MAN1C1: variants seen among roughly 807,000 people sequenced by gnomAD.
MAN1C1 encodes mannosidase alpha class 1C member 1, also known as mannosyl-oligosaccharide 1,2-alpha-mannosidase IC.
A neutral mutation model predicts 71.5 loss-of-function variants in MAN1C1; 49 were observed. The observed-to-expected ratio is 0.69, with a 90% CI of 0.54 to 0.87. The LOEUF (loss-of-function observed/expected upper bound fraction) is 0.87. MAN1C1 is among the 40% of genes least tolerant of loss of function. The probability of loss-of-function intolerance (pLI) is 0.00; values close to 1 mark genes in which losing one functional copy is unlikely to be tolerated. For synonymous variants in MAN1C1, 352 were observed against 343.7 expected (o/e 1.02, Z -0.27); for missense variants, 743 against 835.0 (o/e 0.89, Z 1.36).
chr1:25,766,441 A>G (rs1387204399), intron 7 of MAN1C1, among the ~76,000 whole-genome samples: 1 of 152,040 alleles, frequency 6.6e-6, no homozygotes, highest in Non-Finnish European at 1.5e-5. Context: ...TCTCTTCTTG[A>G]ATCTTCAGAA....
At chr1:25,768,314 T>C (rs111162225) in intron 7 of MAN1C1, among the ~76,000 whole-genome samples, 45 of 37,792 alleles carry the variant, frequency 1.2e-3, no homozygotes, top group South Asian at 3.2e-3. Context: ...ACACACTCCC[T>C]TCACGTACAT....
In MAN1C1 at chr1:25,778,067, C is replaced by A; in HGVS notation, c.1258-38C>A. 1 of 1,456,670 alleles carries A rather than the reference C, an allele frequency of 6.9e-7. No individual in the cohort carries two copies. The allele number at this position is 1,456,670 out of a possible 1,614,324, so 90.2% of individuals were successfully genotyped here. A position where few individuals can be genotyped will look rare whatever the true frequency, so the allele number is the denominator to read the frequency against. Reference sequence around the variant, plus strand: ...TCCCCCCCTTCTCTGTGCCCTCCCACGCCCCTTCTCCCTGCCCAATCCCCA... The same window carrying A: ...TCCCCCCCTTCTCTGTGCCCTCCCAAGCCCCTTCTCCCTGCCCAATCCCCA... On this transcript the variant is annotated intron_variant, in intron 8 of 11. Transcript: ENST00000374332. This position sits in a 1 kb window ranked among gnomAD's most constrained non-coding sequence, Gnocchi z 5.5.
intron 1 of MAN1C1, among the ~76,000 whole-genome samples, chr1:25,674,900 G>A (rs1252593022): frequency 6.6e-6 from 1 of 152,110 alleles, no homozygotes; most frequent in African/African-American, 2.4e-5. Flanking sequence ...TAGGAAGCCA[G>A]GGAGGACCCA....
Position 25,644,497 on chromosome 1 carries a change from CATATATATAT to C in MAN1C1, c.540+26173_540+26182del, listed in dbSNP as rs1204408970. 40 of 80,146 alleles carry C rather than the reference CATATATATAT, an allele frequency of 5.0e-4. 2 individuals are homozygous for C. The highest frequency in any genetic ancestry group is 3.3e-3 in the African/African-American group (37 of 11,152). 5.0% of individuals were successfully genotyped at this position (80,146 alleles called of 1,614,324 possible). ...CTGATTGGGGTAATGGTACCAGAGA[CATATATATAT>C]ATATATATATATTTTTTTTTTTTTT... On this transcript the variant is annotated intron_variant, in intron 1 of 11. Coordinates refer to ENST00000374332, the MANE Select transcript of MAN1C1 (RefSeq NM_020379.4).
chr1:25,622,733 C>G (rs550663121), intron 1 of MAN1C1, among the ~76,000 whole-genome samples: 1 of 152,328 alleles, frequency 6.6e-6, no homozygotes, highest in South Asian at 2.1e-4. Context: ...CCAGCTCTTG[C>G]CCTCTGTGCC....
chr1:25,623,582 G>A (rs1038593596), intron 1 of MAN1C1, among the ~76,000 whole-genome samples: 2 of 152,058 alleles, frequency 1.3e-5, no homozygotes, highest in Non-Finnish European at 2.9e-5. Context: ...AATAAATATT[G>A]TGATATATAT....
intron 8 of MAN1C1, among the ~76,000 whole-genome samples, chr1:25,773,281 G>A (rs1445116636): frequency 6.6e-6 from 1 of 151,532 alleles, no homozygotes; most frequent in African/African-American, 2.4e-5. Context: ...AGATGGGTGG[G>A]TGGGTGTGGG....
In MAN1C1 at chr1:25,631,257, C is replaced by T. The variant is rs570857197; in HGVS notation, c.540+12920C>T. On this transcript the variant is annotated intron_variant, in intron 1 of 11. Coordinates refer to ENST00000374332, the MANE Select transcript of MAN1C1 (RefSeq NM_020379.4). The surrounding 1 kb of genome is among the most constrained non-coding windows in gnomAD (Gnocchi z 4.2). ...TGCTAGGATTACAGGCATGAGCCAC[C>T]GCACCCAGCCCAGTGCTATGTTTAA... 8.5e-5 allele frequency among the ~76,000 whole-genome samples: 13 copies of T among 152,282 alleles called. No individual in the cohort carries two copies. The highest frequency in any genetic ancestry group is 2.9e-4 in the African/African-American group (12 of 41,566).
rs868429897 is a variant in MAN1C1 at position 25,634,618 on chromosome 1, G to A, written c.540+16281G>A. Among the ~76,000 whole-genome samples, 3 of 152,228 alleles carry A rather than the reference G, an allele frequency of 2.0e-5. No homozygotes were observed. The highest frequency in any genetic ancestry group is 6.5e-5 in the Admixed American group (1 of 15,296). On this transcript the variant is annotated intron_variant, in intron 1 of 11. Transcript: ENST00000374332. The surrounding 1 kb of genome is among the most constrained non-coding windows in gnomAD (Gnocchi z 4.6). ...GAGGATTGCCTGAGCTCAGCAGTTC[G>A]AGACCAGCCTGGGCAACATGGTAAA...
At chr1:25,673,545 C>T (rs1204425934) in intron 1 of MAN1C1, among the ~76,000 whole-genome samples, 1 of 152,172 alleles carries the variant, frequency 6.6e-6, no homozygotes, top group Non-Finnish European at 1.5e-5. Context: ...ATGGAAAACA[C>T]TAGGTAAATA....
At chr1:25,732,490 T>C (rs2046922012) in intron 2 of MAN1C1, among the ~76,000 whole-genome samples, 1 of 152,210 alleles carries the variant, frequency 6.6e-6, no homozygotes, top group Non-Finnish European at 1.5e-5. Flanking sequence ...TCCTCAGGTG[T>C]TGTGAGACTT....
chr1:25,695,695 T>G (rs2046361154), intron 2 of MAN1C1, among the ~76,000 whole-genome samples: 1 of 152,250 alleles, frequency 6.6e-6, no homozygotes, highest in South Asian at 2.1e-4. Context: ...CATTTTCTTG[T>G]TCTTTAAAAG....
intron 2 of MAN1C1, among the ~76,000 whole-genome samples, chr1:25,701,048 G>A (rs1024832805): frequency 6.6e-6 from 1 of 152,268 alleles, no homozygotes; most frequent in African/African-American, 2.4e-5. Flanking sequence ...AAGCGAACAT[G>A]ATAATGAAGC....
At chr1:25,771,414 C>T (rs889448919) in intron 7 of MAN1C1, among the ~76,000 whole-genome samples, 6 of 152,116 alleles carry the variant, frequency 3.9e-5, no homozygotes, top group South Asian at 2.1e-4. Flanking sequence ...TTATAGCACC[C>T]GCCGGATGAG....
chr1:25,767,651 C>CCCA (rs2047457063), intron 7 of MAN1C1, among the ~76,000 whole-genome samples: 1 of 125,774 alleles, frequency 8.0e-6, no homozygotes, highest in Non-Finnish European at 1.7e-5. Flanking sequence ...CACACTCCCC[C>CCCA]CACACACAGA....
In MAN1C1 at chr1:25,725,617, A is replaced by G. The variant is rs1449683177; in HGVS notation, c.638-21051A>G. ...AAGCCTGCTGAGGGCTTCTTGGGTTATCCTAGCTCCTCCTAGAATAAAGTG... is the reference window on the plus strand; with the variant it reads ...AAGCCTGCTGAGGGCTTCTTGGGTTGTCCTAGCTCCTCCTAGAATAAAGTG... On this transcript the variant is annotated intron_variant, in intron 2 of 11. Transcript: ENST00000374332. This position sits in a 1 kb window ranked among gnomAD's most constrained non-coding sequence, Gnocchi z 4.8. Among the ~76,000 whole-genome samples, 1 of 152,188 alleles carries G rather than the reference A, an allele frequency of 6.6e-6. No homozygotes were observed. Among genetic ancestry groups the G allele is most frequent in the African/African-American group, 2.4e-5 (1 of 41,446 alleles).
intron 1 of MAN1C1, among the ~76,000 whole-genome samples, chr1:25,663,429 G>T (rs1456434812): frequency 6.6e-6 from 1 of 152,060 alleles, no homozygotes; most frequent in African/African-American, 2.4e-5. Context: ...TACATATGTT[G>T]CCATAAGGTT....
At chr1:25,695,251 G>C (rs2046355498) in intron 2 of MAN1C1, among the ~76,000 whole-genome samples, 1 of 152,098 alleles carries the variant, frequency 6.6e-6, no homozygotes, top group Admixed American at 6.5e-5. Context: ...GCAATTCCTT[G>C]GATAGAATGG....
At chr1:25,693,499 C>T (rs1379611561) in intron 2 of MAN1C1, among the ~76,000 whole-genome samples, 3 of 152,110 alleles carry the variant, frequency 2.0e-5, no homozygotes, top group Non-Finnish European at 2.9e-5. Flanking sequence ...GACGTGGTGC[C>T]GCCCACCTGT....
Sources: gnomAD v4.1 joint callset for allele counts (sites outside exome capture counted in the v4.1 genomes callset) on GRCh38, gnomAD v4.1.1 for gene constraint, Gnocchi (gnomAD v3.1) non-coding constraint, MANE v1.5 for transcripts, NCBI Gene and HGNC (gene_info 2026-07-23, HGNC 2026-07-21) for gene names.